Variants in FSTL5 observed in about 807,000 individuals in gnomAD.
The protein encoded by FSTL5 is follistatin-related protein 5.
FSTL5 carries 62 observed loss-of-function variants against 89.1 expected under a neutral mutation model. That is an observed-to-expected ratio of 0.70 (90% confidence interval 0.57 to 0.86). The LOEUF (loss-of-function observed/expected upper bound fraction) is 0.86, where lower values mean the gene tolerates loss of function less well. Ranked by LOEUF, FSTL5 falls within the 40% of genes least tolerant of loss-of-function variation. The probability of loss-of-function intolerance (pLI) is 0.00; values close to 1 mark genes in which losing one functional copy is unlikely to be tolerated. For synonymous variants in FSTL5, 383 were observed against 346.2 expected (o/e 1.11, Z -1.18); for missense variants, 1,057 against 1,001.6 (o/e 1.06, Z -0.75).
At chr4:161,508,622 A>C (rs1730558230) in intron 11 of FSTL5, among the ~76,000 whole-genome samples, 3 of 152,200 alleles carry the variant, frequency 2.0e-5, no homozygotes, top group African/African-American at 7.2e-5. Context: ...GATTTTAATT[A>C]ATCTGAAAGC....
At chr4:161,770,796 T>G (rs921120932) in intron 5 of FSTL5, among the ~76,000 whole-genome samples, 1 of 151,826 alleles carries the variant, frequency 6.6e-6, no homozygotes, top group African/African-American at 2.4e-5. Flanking sequence ...TTATTTTAAG[T>G]TCAGTTCAAT....
intron 10 of FSTL5, among the ~76,000 whole-genome samples, chr4:161,513,040 A>G (rs1356979851): frequency 6.6e-6 from 1 of 152,140 alleles, no homozygotes; most frequent in African/African-American, 2.4e-5. Flanking sequence ...ATCTGTTCCA[A>G]TAAGCAGAGA....
intron 4 of FSTL5, among the ~76,000 whole-genome samples, chr4:161,905,174 A>C (rs2110808283): frequency 6.6e-6 from 1 of 152,252 alleles, no homozygotes; most frequent in South Asian, 2.1e-4. Flanking sequence ...CATTTTGTTA[A>C]ATAATTTTAT....
At chr4:161,686,927 T>A (rs1002121382) in intron 6 of FSTL5, among the ~76,000 whole-genome samples, 14 of 152,186 alleles carry the variant, frequency 9.2e-5, no homozygotes, top group African/African-American at 3.4e-4. Context: ...TGAATTTAAA[T>A]TTTTAATTTA....
At chr4:161,929,659 A>ATGTGTG (rs1734226660) in intron 3 of FSTL5, among the ~76,000 whole-genome samples, 1 of 86,460 alleles carries the variant, frequency 1.2e-5, no homozygotes, top group East Asian at 4.3e-4. Flanking sequence ...GTAGGTAGGC[A>ATGTGTG]CGTGTGTGTG....
intron 4 of FSTL5, among the ~76,000 whole-genome samples, chr4:161,800,762 C>T (rs1431855598): frequency 6.6e-6 from 1 of 151,444 alleles, no homozygotes; most frequent in Admixed American, 6.6e-5. Context: ...AAAATGTGAA[C>T]TAAAAACTGT....
intron 15 of FSTL5, among the ~76,000 whole-genome samples, chr4:161,437,283 C>T (rs1440572474): frequency 6.6e-6 from 1 of 151,890 alleles, no homozygotes; most frequent in Admixed American, 6.6e-5. Context: ...AATAAAACAA[C>T]GGGCAGGGCG....
intron 2 of FSTL5, among the ~76,000 whole-genome samples, chr4:162,058,423 CTTTTT>C (rs764578152): frequency 2.7e-5 from 3 of 112,082 alleles, no homozygotes; most frequent in Non-Finnish European, 5.2e-5. Context: ...ATAAATTCCT[CTTTTT>C]TTTTTTTTTT....
intron 3 of FSTL5, among the ~76,000 whole-genome samples, chr4:161,995,885 C>T (rs753479746): frequency 4.2e-4 from 63 of 151,690 alleles, no homozygotes; most frequent in Non-Finnish European, 5.2e-4. Context: ...TTCAGATCAC[C>T]CATCAGAAAC....
intron 12 of FSTL5, among the ~76,000 whole-genome samples, chr4:161,482,103 G>A (rs186956948): frequency 7.2e-5 from 11 of 152,236 alleles, no homozygotes; most frequent in Non-Finnish European, 1.2e-4. Context: ...GATGGATCAC[G>A]AGGTCAGGAG....
At chr4:161,495,741 G>A (rs1274495188) in intron 12 of FSTL5, among the ~76,000 whole-genome samples, 1 of 152,064 alleles carries the variant, frequency 6.6e-6, no homozygotes, top group African/African-American at 2.4e-5. Context: ...ATATTGGGAA[G>A]TATACTACTA....
rs1732684556 is a variant in FSTL5 at position 161,563,603 on chromosome 4, G to C, written c.1016-20910C>G. 2.6e-5 allele frequency among the ~76,000 whole-genome samples: 4 copies of C among 151,602 alleles called. 1 individual carries two copies. In the Admixed American group the frequency reaches 2.6e-4, roughly 10 times the overall value. On this transcript the variant is annotated intron_variant, in intron 8 of 15. Coordinates refer to ENST00000306100, the MANE Select transcript of FSTL5 (RefSeq NM_020116.5). ...TGTCAATCTTACTGCTTCCTCCATG[G>C]TACCTATTAATGTTGTGGCATATAT...
chr4:161,766,910 T>A (rs28521835), intron 5 of FSTL5, among the ~76,000 whole-genome samples: 1,853 of 106,820 alleles, frequency 0.017, 89 homozygotes, highest in African/African-American at 0.053. Flanking sequence ...ATAGATCGAT[T>A]GATAGATAGA....
chr4:161,997,069 A>C (rs1222025384), intron 3 of FSTL5, among the ~76,000 whole-genome samples: 1 of 152,146 alleles, frequency 6.6e-6, no homozygotes, highest in Non-Finnish European at 1.5e-5. Context: ...TATTGTTTTT[A>C]TTTTATTGTT....
chr4:162,074,542 C>T (rs1183098056), intron 2 of FSTL5, among the ~76,000 whole-genome samples: 1 of 151,684 alleles, frequency 6.6e-6, no homozygotes, highest in Non-Finnish European at 1.5e-5. Context: ...AATAATATAA[C>T]AGACTTAATT....
At chr4:161,898,149 T>C (rs1176307883) in intron 4 of FSTL5, among the ~76,000 whole-genome samples, 1 of 148,518 alleles carries the variant, frequency 6.7e-6, no homozygotes, top group Non-Finnish European at 1.5e-5. Flanking sequence ...ATATATTCAA[T>C]ATACCATAGG....
chr4:161,556,429 A>G (rs909574775), intron 8 of FSTL5, among the ~76,000 whole-genome samples: 11 of 151,624 alleles, frequency 7.3e-5, no homozygotes, highest in African/African-American at 2.7e-4. Context: ...ATGTAAGACT[A>G]TAAAATATAA....
chr4:161,802,686 G>A (rs747016141), intron 4 of FSTL5, among the ~76,000 whole-genome samples: 34 of 151,550 alleles, frequency 2.2e-4, no homozygotes, highest in Non-Finnish European at 3.8e-4. Flanking sequence ...TATCATTGCC[G>A]CTAAAAATAA....
intron 15 of FSTL5, among the ~76,000 whole-genome samples, chr4:161,398,050 A>G (rs1731064469): frequency 6.6e-6 from 1 of 152,058 alleles, no homozygotes; most frequent in Admixed American, 6.5e-5. Context: ...CTCATATAGT[A>G]TTGGTAGAAA....
Sources: gnomAD v4.1 joint callset for allele counts (sites outside exome capture counted in the v4.1 genomes callset) on GRCh38, gnomAD v4.1.1 for gene constraint, MANE v1.5 for transcripts, NCBI Gene and HGNC (gene_info 2026-07-23, HGNC 2026-07-21) for gene names.